TLL1: variants seen among roughly 807,000 people sequenced by gnomAD.
TLL1 encodes the protein tolloid-like protein 1.
In TLL1, 49 loss-of-function variants were observed where a neutral mutation model predicts 128.2. The observed-to-expected ratio is 0.38, with a 90% confidence interval of 0.30 to 0.48. The LOEUF (loss-of-function observed/expected upper bound fraction) is 0.48, where lower values mean the gene tolerates loss of function less well. Among genes scored for constraint, TLL1 ranks in the 20% least tolerant of loss-of-function variants. The pLI, the probability that TLL1 is intolerant of heterozygous loss-of-function variation, is 0.96. For missense variants in TLL1, 1,123 were observed against 1,242.0 expected (o/e 0.90, Z 1.44); for synonymous variants, 454 against 418.8 (o/e 1.08, Z -1.03).
chr4:166,074,747 TTATGTTGGGAACAGGAGAAACCATGA>T, intron 16 of TLL1, 105 bp from the exon 17 acceptor site: 1 of 1,142,164 alleles, frequency 8.8e-7, no homozygotes, highest in Non-Finnish European at 1.3e-6. Context: ...TTTGTTTGTT[TTATGTTGGGAACAGGAGAAACCATGA>T]CTTAGTTTAC....
intron 15 of TLL1, 61 bp downstream of exon 15, chr4:166,060,249 G>C (rs900680739): frequency 6.7e-7 from 1 of 1,500,942 alleles, no homozygotes; most frequent in African/African-American, 1.7e-5. Flanking sequence ...AAGGCAAACT[G>C]TGAAATTAAA....
intron 16 of TLL1, among the ~76,000 whole-genome samples, chr4:166,072,625 T>C (rs189820345): frequency 2.0e-5 from 3 of 151,964 alleles, no homozygotes; most frequent in African/African-American, 2.4e-5. Context: ...CTCAAAAATA[T>C]GAGCAAAGGA....
Position 165,895,633 on chromosome 4 carries a change from T to TAAAAAAAAAAA in TLL1, c.169+21579_169+21589dup, listed in dbSNP as rs57920393. 8.8e-4 allele frequency among the ~76,000 whole-genome samples: 60 copies of TAAAAAAAAAAA among 68,442 alleles called. 1 individual carries two copies. The highest frequency in any genetic ancestry group is 5.6e-3 in the African/African-American group (56 of 9,918). The allele number at this position is 68,442 out of a possible 152,430, so 44.9% of individuals were successfully genotyped here. On this transcript the variant is annotated intron_variant, in intron 1 of 20. Transcript: ENST00000061240. ...CCAAAAAGCTCAGTAAGACTTTTTG[T>TAAAAAAAAAAA]AAAAAAAAAAAAAAAAAAAAAAAAA...
At chr4:166,011,573 C>T (rs72697368) in intron 7 of TLL1, among the ~76,000 whole-genome samples, 180 of 151,490 alleles carry the variant, frequency 1.2e-3, no homozygotes, top group Non-Finnish European at 2.1e-3. Flanking sequence ...CAAGTCATTT[C>T]CAAACAGTGA....
At chr4:166,070,959 T>C (rs879477367) in intron 16 of TLL1, among the ~76,000 whole-genome samples, 7 of 152,004 alleles carry the variant, frequency 4.6e-5, no homozygotes, top group Admixed American at 4.6e-4. Flanking sequence ...TATTGAAATT[T>C]AAATATTTGC....
chr4:165,989,132 C>G (rs1458548174), intron 1 of TLL1, among the ~76,000 whole-genome samples: 7 of 152,036 alleles, frequency 4.6e-5, no homozygotes, highest in African/African-American at 1.7e-4. Flanking sequence ...CAGTAACCTT[C>G]TTATTCAAGG....
chr4:165,968,177 C>T (rs1735475923), intron 1 of TLL1, among the ~76,000 whole-genome samples: 2 of 152,100 alleles, frequency 1.3e-5, no homozygotes, highest in African/African-American at 4.8e-5. Flanking sequence ...AATTTTGTTC[C>T]CTGAACAAGA....
intron 6 of TLL1, 83 bp downstream of exon 6, chr4:166,003,652 C>A: frequency 2.1e-6 from 3 of 1,428,554 alleles, no homozygotes; most frequent in African/African-American, 1.4e-5. Flanking sequence ...TTCACTTTCC[C>A]AAAAATGTAA....
At chr4:166,074,431 GCCT>G (rs1337397970) in intron 16 of TLL1, among the ~76,000 whole-genome samples, 1 of 151,558 alleles carries the variant, frequency 6.6e-6, no homozygotes, top group African/African-American at 2.4e-5. Flanking sequence ...ACCTTGTTTA[GCCT>G]CTGTCTGTAT....
At chr4:165,963,981 G>A (rs1735249031) in intron 1 of TLL1, among the ~76,000 whole-genome samples, 1 of 152,088 alleles carries the variant, frequency 6.6e-6, no homozygotes, top group Non-Finnish European at 1.5e-5. Flanking sequence ...ATCTCCTACT[G>A]CAAATCTCCC....
At chr4:166,088,241 G>C (rs538003706) in intron 18 of TLL1, among the ~76,000 whole-genome samples, 2 of 152,052 alleles carry the variant, frequency 1.3e-5, no homozygotes, top group African/African-American at 4.8e-5. Context: ...GGTTCCTGGT[G>C]GTTGGAAATG....
At chr4:166,059,925 T>G in intron 14 of TLL1, 103 bp from the exon 15 acceptor site, 6 of 1,389,412 alleles carry the variant, frequency 4.3e-6, no homozygotes, top group South Asian at 1.2e-5. Context: ...AGAAGATAGT[T>G]GAAATTTAGT....
Position 166,091,086 on chromosome 4 carries a change from T to G in TLL1, c.2443-42T>G, listed in dbSNP as rs745630697. 2.8e-6 allele frequency: 4 copies of G among 1,406,040 alleles called. No homozygotes were observed. In the African/African-American group the frequency reaches 8.6e-5, roughly 30 times the overall value. 87.1% of individuals were successfully genotyped at this position (1,406,040 alleles called of 1,614,324 possible). On this transcript the variant is annotated intron_variant, in intron 18 of 20. Transcript: ENST00000061240. ...CCAAAAATTATCTCATTTTGAGTGA[T>G]TTGTTTTTTTTTAAAAAAATTATTT...
At chr4:166,024,127 A>T (rs1046443963) in intron 8 of TLL1, among the ~76,000 whole-genome samples, 7 of 152,194 alleles carry the variant, frequency 4.6e-5, no homozygotes, top group African/African-American at 1.7e-4. Flanking sequence ...GTTGTCCCAA[A>T]GTTGCTTTTG....
chr4:165,940,916 C>G (rs1443975855), intron 1 of TLL1, among the ~76,000 whole-genome samples: 2 of 151,960 alleles, frequency 1.3e-5, no homozygotes, highest in African/African-American at 2.4e-5. Context: ...CTACATTCTG[C>G]CATTTAGCTG....
At chr4:166,004,586 T>C (rs1260399509) in intron 6 of TLL1, among the ~76,000 whole-genome samples, 1 of 152,036 alleles carries the variant, frequency 6.6e-6, no homozygotes, top group African/African-American at 2.4e-5. Flanking sequence ...AGTCCCTTAG[T>C]GAGTCAAGGG....
In TLL1 at chr4:165,919,397, A is replaced by AG. The variant is rs1164441447; in HGVS notation, c.169+45324_169+45325insG. Among the ~76,000 whole-genome samples the AG allele has an allele frequency of 2.6e-5, 4 of 151,744 alleles. No homozygotes were observed. In the East Asian group the frequency reaches 7.8e-4, roughly 29 times the overall value. Reference sequence around the variant, plus strand: ...GACCCTGCTTCAAAAAAAAAAAAAAAAAAGAATAAACAAAAATCAATATTA... The same window carrying AG: ...GACCCTGCTTCAAAAAAAAAAAAAAAGAAAGAATAAACAAAAATCAATATTA... On this transcript the variant is annotated intron_variant, in intron 1 of 20. Transcript: ENST00000061240.
intron 1 of TLL1, among the ~76,000 whole-genome samples, chr4:165,931,344 A>G (rs1733504001): frequency 6.6e-6 from 1 of 152,158 alleles, no homozygotes; most frequent in South Asian, 2.1e-4. Context: ...TCTATGCCTA[A>G]TTTAACTTTA....
intron 1 of TLL1, among the ~76,000 whole-genome samples, chr4:165,976,858 G>C (rs759145325): frequency 1.2e-4 from 19 of 152,158 alleles, no homozygotes; most frequent in Admixed American, 3.3e-4. Context: ...GGATGGCTTT[G>C]GATGCAGCCC....
Sources: allele counts gnomAD v4.1 joint callset (sites outside exome capture counted in the v4.1 genomes callset), GRCh38; gene constraint gnomAD v4.1.1; transcripts MANE v1.5; gene names NCBI Gene and HGNC (gene_info 2026-07-23, HGNC 2026-07-21).